Variants in STARD13 observed in about 807,000 individuals in gnomAD.
STARD13 encodes stAR-related lipid transfer protein 13.
In STARD13, 62 loss-of-function variants were observed where a neutral mutation model predicts 106.4. The observed-to-expected ratio is 0.58, with a 90% CI of 0.48 to 0.72. The LOEUF (loss-of-function observed/expected upper bound fraction) is 0.72. Among genes scored for constraint, STARD13 ranks in the 30% least tolerant of loss-of-function variants. The pLI is 0.00. For synonymous variants in STARD13, 565 were observed against 553.0 expected, an observed-to-expected ratio of 1.02 and a Z score of -0.31; for missense variants, 1,387 against 1,424.0, an observed-to-expected ratio of 0.97 and a Z score of 0.42.
At position 33,241,703 on chromosome 13, in the gene STARD13, A is replaced by G. The variant is rs541585204; in HGVS notation, c.169+43767T>C. ...TTGCAGGCGCGCGCCGCCACGCCTG[A>G]CTGGTTTTCGTATTTTTTGGTGGAG... On this transcript the variant is annotated intron_variant, in intron 1 of 13. Coordinates refer to ENST00000336934, the MANE Select transcript of STARD13 (RefSeq NM_178006.4). Among the ~76,000 whole-genome samples, 8 of 151,856 alleles carry G rather than the reference A, an allele frequency of 5.3e-5. No homozygotes were observed. In the East Asian group the frequency reaches 1.6e-3, roughly 30 times the overall value.
chr13:33,620,701 A>T, the STARD13 span, among the ~76,000 whole-genome samples: 1 of 151,440 alleles, frequency 6.6e-6, no homozygotes, highest in Non-Finnish European at 1.5e-5. Context: ...TGACAATAAA[A>T]TATATAAATA....
chr13:33,422,764 A>G, the STARD13 span, among the ~76,000 whole-genome samples: 1 of 152,184 alleles, frequency 6.6e-6, no homozygotes, highest in Non-Finnish European at 1.5e-5. Context: ...CCAATGGAAC[A>G]GAATAGAGCC....
At chr13:33,207,828 T>G (rs550028831) in intron 1 of STARD13, among the ~76,000 whole-genome samples, 1 of 152,354 alleles carries the variant, frequency 6.6e-6, no homozygotes, top group South Asian at 2.1e-4. Context: ...CAGCAGGCCC[T>G]GCTCGATGCA....
At chr13:33,148,822 T>C (rs905566234) in intron 3 of STARD13, among the ~76,000 whole-genome samples, 1 of 152,250 alleles carries the variant, frequency 6.6e-6, no homozygotes, top group African/African-American at 2.4e-5. Flanking sequence ...ACAACTGATA[T>C]GTCAGGTGAA....
chr13:33,500,822 A>G, the STARD13 span, among the ~76,000 whole-genome samples: 1 of 152,068 alleles, frequency 6.6e-6, no homozygotes, highest in Non-Finnish European at 1.5e-5. Context: ...TTCTAACCAT[A>G]ACTCCAGTTT....
chr13:33,545,795 G>C, the STARD13 span, among the ~76,000 whole-genome samples: 20 of 152,090 alleles, frequency 1.3e-4, no homozygotes, highest in Non-Finnish European at 2.6e-4. Flanking sequence ...GCACATGCTG[G>C]TTCTCCTTCA....
chr13:33,243,316 C>T (rs1359788252), intron 1 of STARD13, among the ~76,000 whole-genome samples: 2 of 152,102 alleles, frequency 1.3e-5, no homozygotes, highest in Non-Finnish European at 2.9e-5. Context: ...GAATGGTAGG[C>T]ATCAAAGAGA....
intron 1 of STARD13, among the ~76,000 whole-genome samples, chr13:33,251,196 T>C (rs1890079516): frequency 6.6e-6 from 1 of 152,272 alleles, no homozygotes; most frequent in African/African-American, 2.4e-5. Flanking sequence ...TGGGGGGAGA[T>C]GATGCTGCAC....
At chr13:33,674,457 G>A in the STARD13 span, among the ~76,000 whole-genome samples, 5 of 152,220 alleles carry the variant, frequency 3.3e-5, no homozygotes, top group African/African-American at 9.6e-5. Context: ...CTGTAATGGT[G>A]TGGTTTCATC....
chr13:33,251,176 T>C (rs1890078588), intron 1 of STARD13, among the ~76,000 whole-genome samples: 1 of 152,332 alleles, frequency 6.6e-6, no homozygotes, highest in South Asian at 2.1e-4. Flanking sequence ...TCACAGGATT[T>C]TTGTGAGCAT....
intron 1 of STARD13, chr13:33,277,628 A>G (rs1891516317): frequency 6.6e-6 from 1 of 152,148 alleles, no homozygotes; most frequent in Admixed American, 6.6e-5. Context: ...GCAGTAATGG[A>G]ATATCCTGAA....
At chr13:33,327,840 T>C (rs2077794016) in intron 1 of STARD13, among the ~76,000 whole-genome samples, 1 of 152,210 alleles carries the variant, frequency 6.6e-6, no homozygotes, top group Non-Finnish European at 1.5e-5. Context: ...TGGTCAAACC[T>C]GATGAAAAGA....
chr13:33,136,133 T>A (rs1206378945), intron 4 of STARD13, among the ~76,000 whole-genome samples: 3 of 141,938 alleles, frequency 2.1e-5, no homozygotes, highest in Non-Finnish European at 4.7e-5. Context: ...AAAAAAAAAA[T>A]TATATATATC....
the STARD13 span, among the ~76,000 whole-genome samples, chr13:33,673,796 C>T: frequency 6.6e-6 from 1 of 152,084 alleles, no homozygotes; most frequent in African/African-American, 2.4e-5. Context: ...CTTGGCCTCC[C>T]AAAGTCCTGG....
At chr13:33,260,294 G>T (rs1231239344) in intron 1 of STARD13, among the ~76,000 whole-genome samples, 3 of 152,198 alleles carry the variant, frequency 2.0e-5, no homozygotes, top group Non-Finnish European at 4.4e-5. Context: ...CCTTATCGTA[G>T]CATCTTTCGC....
intron 4 of STARD13, among the ~76,000 whole-genome samples, chr13:33,133,338 A>C (rs961606985): frequency 1.3e-5 from 2 of 152,206 alleles, no homozygotes; most frequent in Non-Finnish European, 2.9e-5. Flanking sequence ...CAACTAAGGC[A>C]TGTGAAAAAG....
intron 1 of STARD13, among the ~76,000 whole-genome samples, chr13:33,218,676 A>G (rs536441176): frequency 6.6e-6 from 1 of 152,364 alleles, no homozygotes; most frequent in Admixed American, 6.5e-5. Context: ...TGTTAAATAG[A>G]ACATTATAAG....
chr13:33,646,181 G>A, the STARD13 span, among the ~76,000 whole-genome samples: 11 of 152,200 alleles, frequency 7.2e-5, no homozygotes, highest in South Asian at 2.1e-4. Context: ...GATAGGTCCC[G>A]TTCTTTTTCA....
At chr13:33,542,716 A>G in the STARD13 span, among the ~76,000 whole-genome samples, 4 of 152,122 alleles carry the variant, frequency 2.6e-5, no homozygotes, top group African/African-American at 7.2e-5. Flanking sequence ...AATATCCGGG[A>G]CCAGAGGCTG....
Sources: gnomAD v4.1 joint callset for allele counts (sites outside exome capture counted in the v4.1 genomes callset) on GRCh38, gnomAD v4.1.1 for gene constraint, MANE v1.5 for transcripts, NCBI Gene and HGNC (gene_info 2026-07-23, HGNC 2026-07-21) for gene names.